Variants in KIAA0825 observed in about 807,000 individuals in gnomAD.
KIAA0825 encodes the protein KIAA0825.
Under a neutral mutation model 147.6 loss-of-function variants are expected in KIAA0825, and 119 were observed. That is an observed-to-expected ratio of 0.81 (90% confidence interval 0.69 to 0.94). The LOEUF is 0.94. Among genes scored for constraint, KIAA0825 ranks in the 40% least tolerant of loss-of-function variants. The probability of loss-of-function intolerance (pLI) is 0.00; values close to 1 mark genes in which losing one functional copy is unlikely to be tolerated. For missense variants in KIAA0825, 1,381 were observed against 1,472.7 expected (o/e 0.94, Z 1.02); for synonymous variants, 470 against 518.1 (o/e 0.91, Z 1.26).
In KIAA0825 at chr5:94,273,867, A is replaced by T. The variant is rs151004118; in HGVS notation, c.3710+110501T>A. ...ACTGTGTCTGTGGAAAATGAGAGTT[A>T]AAAAGAGCAGGATTAAATTCACAAA... On this transcript the variant is annotated intron_variant, in intron 20 of 20. Transcript: ENST00000682413. Among the ~76,000 whole-genome samples the T allele has an allele frequency of 3.2e-4, 49 of 152,284 alleles. No homozygotes were observed. The East Asian group carries it at 9.3e-3, about 29-fold the overall frequency.
chr5:94,439,779 CTCAT>C (rs1312928264), intron 14 of KIAA0825, among the ~76,000 whole-genome samples, 199 bp downstream of exon 14: 1 of 152,150 alleles, frequency 6.6e-6, no homozygotes, highest in Non-Finnish European at 1.5e-5. Context: ...ATAGTTTTCT[CTCAT>C]TCAGAGTCAT....
chr5:94,349,070 G>A (rs1349256629), intron 20 of KIAA0825, among the ~76,000 whole-genome samples: 1 of 151,808 alleles, frequency 6.6e-6, no homozygotes. Flanking sequence ...TAGCACATAA[G>A]GACTCACATA....
intron 14 of KIAA0825, among the ~76,000 whole-genome samples, chr5:94,426,974 C>G (rs1754968416): frequency 1.3e-5 from 2 of 152,094 alleles, no homozygotes; most frequent in Admixed American, 6.5e-5. Context: ...AAAGATAGTA[C>G]TTTTTCTTCC....
chr5:94,375,630 C>A (rs1463088432), intron 20 of KIAA0825, among the ~76,000 whole-genome samples: 1 of 152,062 alleles, frequency 6.6e-6, no homozygotes, highest in Non-Finnish European at 1.5e-5. Flanking sequence ...AGATAACAGG[C>A]AAAGGATTGG....
At chr5:94,599,334 T>TTG (rs1785906395) in intron 1 of KIAA0825, among the ~76,000 whole-genome samples, 3 of 149,060 alleles carry the variant, frequency 2.0e-5, no homozygotes, top group African/African-American at 7.4e-5. Context: ...TATTTGGGTT[T>TTG]TTTTTTTTTT....
chr5:94,354,131 C>T (rs930980187), intron 20 of KIAA0825, among the ~76,000 whole-genome samples: 21 of 152,082 alleles, frequency 1.4e-4, no homozygotes, highest in Admixed American at 5.9e-4. Flanking sequence ...GGGCTTTCTC[C>T]GTGCAAGTAC....
chr5:94,479,145 C>T (rs1762215794), intron 6 of KIAA0825, among the ~76,000 whole-genome samples: 1 of 152,060 alleles, frequency 6.6e-6, no homozygotes, highest in Non-Finnish European at 1.5e-5. Context: ...TTGTGTTGTG[C>T]AATTCTATGG....
At chr5:94,548,217 A>G (rs917478643) in intron 2 of KIAA0825, among the ~76,000 whole-genome samples, 1 of 152,188 alleles carries the variant, frequency 6.6e-6, no homozygotes, top group Admixed American at 6.5e-5. Context: ...CAACTTTTCA[A>G]GATGTAGACA....
At chr5:94,345,985 C>G (rs1299014830) in intron 20 of KIAA0825, among the ~76,000 whole-genome samples, 3 of 152,162 alleles carry the variant, frequency 2.0e-5, no homozygotes, top group Non-Finnish European at 4.4e-5. Context: ...TTTCACAATG[C>G]TTTTCCATAC....
intron 17 of KIAA0825, among the ~76,000 whole-genome samples, chr5:94,392,718 T>A (rs369024212): frequency 1.3e-5 from 2 of 152,212 alleles, no homozygotes; most frequent in South Asian, 4.2e-4. Flanking sequence ...CTGCTAAGAG[T>A]CAATGCCGCT....
intron 20 of KIAA0825, among the ~76,000 whole-genome samples, chr5:94,293,393 TG>T (rs1314727886): frequency 1.3e-5 from 2 of 152,224 alleles, no homozygotes; most frequent in African/African-American, 4.8e-5. Context: ...AGGAGCAGGT[TG>T]TTCAGTTTCC....
At chr5:94,510,996 G>A (rs1766397151) in intron 5 of KIAA0825, among the ~76,000 whole-genome samples, 1 of 152,162 alleles carries the variant, frequency 6.6e-6, no homozygotes, top group Non-Finnish European at 1.5e-5. Context: ...CCAAGGTGGT[G>A]GCATTTGGAG....
chr5:94,351,887 A>C (rs1209613616), intron 20 of KIAA0825, among the ~76,000 whole-genome samples: 1 of 152,218 alleles, frequency 6.6e-6, no homozygotes, highest in African/African-American at 2.4e-5. Context: ...AGGAGAATGA[A>C]ACTGGATTCT....
chr5:94,542,267 T>C lies in KIAA0825; in HGVS notation c.-1-5140A>G, dbSNP rs533872636. Reference sequence around the variant, plus strand: ...GAGTTAACTGCATTGACTAAACTAATAGAAGTCTAAAATAATCTTTTTAAC... The same window carrying C: ...GAGTTAACTGCATTGACTAAACTAACAGAAGTCTAAAATAATCTTTTTAAC... On this transcript the variant is annotated intron_variant, in intron 2 of 20. Transcript: ENST00000682413. Among the ~76,000 whole-genome samples the C allele has an allele frequency of 2.8e-4, 43 of 152,354 alleles. 1 individual carries two copies. The South Asian group carries it at 4.3e-3, about 15-fold the overall frequency.
At chr5:94,290,842 G>A (rs1777857388) in intron 20 of KIAA0825, among the ~76,000 whole-genome samples, 1 of 152,040 alleles carries the variant, frequency 6.6e-6, no homozygotes, top group African/African-American at 2.4e-5. Context: ...GGTGTGAGAT[G>A]GTATTCAATG....
intron 3 of KIAA0825, among the ~76,000 whole-genome samples, chr5:94,528,281 C>A (rs774053817): frequency 6.6e-5 from 10 of 152,174 alleles, no homozygotes; most frequent in African/African-American, 9.7e-5. Context: ...GGATTCCCAT[C>A]TATTGTTAAC....
At chr5:94,285,952 G>A (rs1159163125) in intron 20 of KIAA0825, among the ~76,000 whole-genome samples, 1 of 152,098 alleles carries the variant, frequency 6.6e-6, no homozygotes, top group East Asian at 1.9e-4. Flanking sequence ...ATCAAAAACT[G>A]CAAAAGTCAC....
chr5:94,274,800 G>A (rs1010469779), intron 20 of KIAA0825, among the ~76,000 whole-genome samples: 2 of 152,088 alleles, frequency 1.3e-5, no homozygotes, highest in East Asian at 3.9e-4. Context: ...GCAGAAAAAG[G>A]GAACTCATGA....
At chr5:94,285,849 C>A (rs893529433) in intron 20 of KIAA0825, among the ~76,000 whole-genome samples, 13 of 152,080 alleles carry the variant, frequency 8.5e-5, no homozygotes, top group African/African-American at 2.2e-4. Context: ...TTAAACACAG[C>A]ACATACAGCC....
Sources: allele counts gnomAD v4.1 joint callset (sites outside exome capture counted in the v4.1 genomes callset), GRCh38; gene constraint gnomAD v4.1.1; transcripts MANE v1.5; gene names NCBI Gene and HGNC (gene_info 2026-07-23, HGNC 2026-07-21).